Variants in SEC24A observed in about 807,000 individuals in gnomAD.
SEC24A encodes SEC24 homolog A, COPII component.
Under a neutral mutation model 129.4 loss-of-function variants are expected in SEC24A, and 93 were observed. The ratio of observed to expected loss-of-function variants is 0.72; its 90% CI spans 0.61 to 0.85. SEC24A has a LOEUF of 0.85. Among genes scored for constraint, SEC24A ranks in the 40% least tolerant of loss-of-function variants. The probability of loss-of-function intolerance (pLI) is 0.00; values close to 1 mark genes in which losing one functional copy is unlikely to be tolerated. For synonymous variants in SEC24A, 460 were observed against 467.3 expected, an observed-to-expected ratio of 0.98 and a Z score of 0.20; for missense variants, 1,264 against 1,307.4, an observed-to-expected ratio of 0.97 and a Z score of 0.51.
chr5:134,669,124 T>A (rs1275886377), intron 3 of SEC24A, among the ~76,000 whole-genome samples: 2 of 152,022 alleles, frequency 1.3e-5, no homozygotes, highest in Non-Finnish European at 2.9e-5. Flanking sequence ...TGCCACAGTA[T>A]TACTTTGAAA....
At position 134,688,216 on chromosome 5, in the gene SEC24A, T is replaced by C; in HGVS notation, c.1640T>C (p.Ile547Thr). ...AACACTAGAACAAAAATTGGCTTCA[T>C]AACATTTGACAGTACAATCCATTTC... is the stretch of plus-strand genomic sequence containing the variant. ...PGNTRTKIGF[I>T]TFDSTIHFYG... The change falls in exon 11 of 23, where the codon ATA becomes ACA. Residue 547 changes from isoleucine (I) to threonine (T), a missense_variant. Ile to Thr is a moderately conservative substitution (Grantham distance 89). Coordinates refer to ENST00000398844, the MANE Select transcript of SEC24A (RefSeq NM_021982.3). 6.2e-7 allele frequency: 1 copy of C among 1,613,166 alleles called. No individual in the cohort carries two copies. Among genetic ancestry groups the C allele is most frequent in the Non-Finnish European group, 8.5e-7 (1 of 1,179,306 alleles).
upstream of SEC24A, chr5:134,648,697 T>C (rs1225376014): frequency 6.3e-6 from 1 of 158,740 alleles, no homozygotes; most frequent in East Asian, 1.8e-4. Context: ...CAGAGAAGAG[T>C]TCGCCGGCGC....
At position 134,661,309 on chromosome 5, in the gene SEC24A, G is replaced by A; in HGVS notation, c.288G>A (p.Val96=). 1 of 1,614,122 alleles carries A rather than the reference G, an allele frequency of 6.2e-7. No homozygotes were observed. The highest frequency in any genetic ancestry group is 8.5e-7 in the Non-Finnish European group (1 of 1,180,036). Residue 96 remains valine (V), a synonymous_variant, in exon 2 of 23, where the codon GTG becomes GTA. Coordinates refer to ENST00000398844, the MANE Select transcript of SEC24A (RefSeq NM_021982.3). The part of the protein sequence containing the change: ...LNRPPVASNP[V]TPSLHSGPAP... ...GACCACCTGTGGCCTCTAATCCAGT[G>A]ACACCTTCGCTTCATAGTGGTCCTG...
intron 20 of SEC24A, among the ~76,000 whole-genome samples, chr5:134,719,134 C>T (rs1029919082): frequency 9.2e-5 from 14 of 152,022 alleles, no homozygotes; most frequent in African/African-American, 2.4e-4. Flanking sequence ...GTAATTGCAG[C>T]GCTTTAGGAT....
Position 134,726,970 on chromosome 5 carries a change from A to G in SEC24A, c.*1876A>G, listed in dbSNP as rs923878920. 1.3e-5 allele frequency: 2 copies of G among 152,436 alleles called. No homozygotes were observed. The highest frequency in any genetic ancestry group is 2.9e-5 in the Non-Finnish European group (2 of 67,976). The allele number at this position is 152,436 out of a possible 1,614,324, so 9.4% of individuals were successfully genotyped here. On this transcript the variant is annotated 3_prime_UTR_variant, in exon 23 of 23. Transcript: ENST00000398844. ...TTTCACAAATTTACTTTTAAATATTATTTTAGATACGGTGTAACATGTGCA... is the reference window on the plus strand; with the variant it reads ...TTTCACAAATTTACTTTTAAATATTGTTTTAGATACGGTGTAACATGTGCA...
At chr5:134,683,420 A>G (rs1389444514) in intron 9 of SEC24A, among the ~76,000 whole-genome samples, 1 of 152,190 alleles carries the variant, frequency 6.6e-6, no homozygotes, top group Non-Finnish European at 1.5e-5. Flanking sequence ...GCTGTGATGA[A>G]GATCCTCTTG....
intron 15 of SEC24A, among the ~76,000 whole-genome samples, chr5:134,699,222 A>G (rs543800265): frequency 6.7e-6 from 1 of 149,902 alleles, no homozygotes; most frequent in East Asian, 2.0e-4. Flanking sequence ...GAGCCACCAC[A>G]CCCAGCCACA....
rs1372741885 is a variant in SEC24A, at chr5:134,697,912, G to T, written c.2121G>T (p.Arg707=). The change falls in exon 15 of 23, where the codon CGG becomes CGT. Residue 707 remains arginine (R), a synonymous_variant. Transcript: ENST00000398844. ...SDLASLGCIS[R]YSAGSVYYYP... is the part of the protein sequence containing the mutation. ...GTTCTCTTCCAGGTTGTATTTCTCG[G>T]TATTCAGCAGGTAGTGTCTATTACT... 1 of 1,611,360 alleles carries T rather than the reference G, an allele frequency of 6.2e-7. No individual in the cohort carries two copies. Among genetic ancestry groups the T allele is most frequent in the Non-Finnish European group, 8.5e-7 (1 of 1,179,268 alleles).
intron 8 of SEC24A, among the ~76,000 whole-genome samples, 190 bp from the exon 9 acceptor site, chr5:134,682,183 C>T (rs1440301944): frequency 2.0e-5 from 3 of 151,506 alleles, no homozygotes; most frequent in Non-Finnish European, 4.4e-5. Context: ...GTGGAGGTTG[C>T]AGTGAGCTGA....
chr5:134,724,354 C>T (rs909134590), intron 22 of SEC24A, among the ~76,000 whole-genome samples: 1 of 152,008 alleles, frequency 6.6e-6, no homozygotes, highest in East Asian at 1.9e-4. Flanking sequence ...TTTGAGAGGT[C>T]GAGGCGGGCA....
intron 1 of SEC24A, among the ~76,000 whole-genome samples, chr5:134,653,069 T>A (rs1033763182): frequency 6.6e-6 from 1 of 151,836 alleles, no homozygotes; most frequent in Non-Finnish European, 1.5e-5. Flanking sequence ...CCTCCCAAAG[T>A]GCTGGGATTA....
At chr5:134,686,239 C>CTT (rs796933781) in intron 9 of SEC24A, among the ~76,000 whole-genome samples, 41 of 144,684 alleles carry the variant, frequency 2.8e-4, no homozygotes, top group African/African-American at 9.3e-4. Context: ...AGAATCCCTT[C>CTT]TTTTTTTTTT....
chr5:134,689,996 G>A (rs923808197), intron 11 of SEC24A, among the ~76,000 whole-genome samples: 3 of 151,960 alleles, frequency 2.0e-5, no homozygotes, highest in African/African-American at 2.4e-5. Context: ...GGGGGAGGGC[G>A]ATTAATAGGG....
chr5:134,708,782 C>G lies in SEC24A; in HGVS notation c.2621C>G (p.Ser874Cys). 1 of 1,614,168 alleles carries G rather than the reference C, an allele frequency of 6.2e-7. No individual in the cohort carries two copies. The highest frequency in any genetic ancestry group is 8.5e-7 in the Non-Finnish European group (1 of 1,180,018). The stretch of plus-strand genomic sequence containing the variant: ...GCTCTAGTGAATGCAGTCATTGACT[C>G]CCTTTCAGCTTACCGTTCTTCAGTC... The part of the protein sequence containing the change: ...RDALVNAVID[S>C]LSAYRSSVLS... The change falls in exon 18 of 23, where the codon TCC becomes TGC. Residue 874 changes from serine to cysteine, a missense_variant. Coordinates refer to ENST00000398844, the MANE Select transcript of SEC24A (RefSeq NM_021982.3).
intron 18 of SEC24A, among the ~76,000 whole-genome samples, chr5:134,712,106 A>T (rs1752344678): frequency 6.6e-6 from 1 of 152,048 alleles, no homozygotes; most frequent in South Asian, 2.1e-4. Flanking sequence ...TGCTGGGATT[A>T]TAGGCGTGAG....
At chr5:134,663,610 G>A (rs1051930610) in intron 2 of SEC24A, among the ~76,000 whole-genome samples, 69 of 152,110 alleles carry the variant, frequency 4.5e-4, no homozygotes, top group African/African-American at 1.5e-3. Flanking sequence ...CTTGAGGCCA[G>A]GAGGCCAGGA....
chr5:134,696,778 G>A (rs935631831), intron 13 of SEC24A, among the ~76,000 whole-genome samples: 2 of 151,654 alleles, frequency 1.3e-5, no homozygotes, highest in African/African-American at 2.4e-5. Context: ...GATTACAGGC[G>A]TGAGCCACCG....
intron 12 of SEC24A, chr5:134,693,120 C>T (rs970524706): frequency 4.0e-5 from 62 of 1,535,446 alleles, no homozygotes; most frequent in Non-Finnish European, 5.3e-5. Flanking sequence ...CAGAATGTGT[C>T]TGAAGGGGGG....
At chr5:134,686,972 T>A in intron 10 of SEC24A, 70 bp downstream of exon 10, 1 of 871,138 alleles carries the variant, frequency 1.1e-6, no homozygotes, top group South Asian at 1.8e-5. Context: ...GTTTTTGAAA[T>A]TAAAAAATAA....
Sources: allele counts gnomAD v4.1 joint callset (sites outside exome capture counted in the v4.1 genomes callset), GRCh38; gene constraint gnomAD v4.1.1; transcripts MANE v1.5; gene names NCBI Gene and HGNC (gene_info 2026-07-23, HGNC 2026-07-21).